The following ZGRF1 variants were observed in gnomAD, a reference collection of about 807,000 sequenced individuals.
The protein encoded by ZGRF1 is zinc finger GRF-type containing 1.
ZGRF1 carries 196 observed loss-of-function variants against 203.5 expected under a neutral mutation model. The observed-to-expected ratio is 0.96, with a 90% confidence interval of 0.86 to 1.08. The LOEUF is 1.08. ZGRF1 is among the 50% of genes least tolerant of loss of function. The pLI, the probability that ZGRF1 is intolerant of heterozygous loss-of-function variation, is 0.00. For missense variants in ZGRF1, 2,326 were observed against 2,416.3 expected, an observed-to-expected ratio of 0.96 and a Z score of 0.78; for synonymous variants, 809 against 841.3, an observed-to-expected ratio of 0.96 and a Z score of 0.66.
chr4:112,617,339 CTA>C, intron 6 of ZGRF1, 99 bp downstream of exon 6: 1 of 813,106 alleles, frequency 1.2e-6, no homozygotes, highest in Non-Finnish European at 1.9e-6. Context: ...TATTTAAACA[CTA>C]TGTAATTCTT....
intron 4 of ZGRF1, among the ~76,000 whole-genome samples, chr4:112,622,201 A>C (rs1205777311): frequency 3.3e-5 from 5 of 152,044 alleles, no homozygotes; most frequent in Non-Finnish European, 7.4e-5. Flanking sequence ...TCATCATCAT[A>C]GTATGCATTT....
chr4:112,593,710 G>T lies in ZGRF1; in HGVS notation c.2977-3836C>A, dbSNP rs553317517. Reference sequence around the variant, plus strand: ...TTTACACATGCTGTTTCTTTGCATGGTATGTTCAGTCCCTCACTGTTGCCA... The same window carrying T: ...TTTACACATGCTGTTTCTTTGCATGTTATGTTCAGTCCCTCACTGTTGCCA... On this transcript the variant is annotated intron_variant, in intron 10 of 27. Transcript: ENST00000505019. Among the ~76,000 whole-genome samples the T allele has an allele frequency of 2.3e-4, 35 of 152,234 alleles. 1 individual carries two copies. In the Middle Eastern group the frequency reaches 0.01, roughly 44 times the overall value.
chr4:112,622,725 C>T (rs540259130), intron 4 of ZGRF1, among the ~76,000 whole-genome samples: 1 of 152,140 alleles, frequency 6.6e-6, no homozygotes, highest in African/African-American at 2.4e-5. Context: ...CTTTAATATC[C>T]TAACTCTTCA....
At chr4:112,616,506 CA>C (rs1265970812) in intron 6 of ZGRF1, among the ~76,000 whole-genome samples, 1 of 136,236 alleles carries the variant, frequency 7.3e-6, no homozygotes, top group African/African-American at 2.8e-5. Flanking sequence ...GCCTGGGTGA[CA>C]GAGCAAGACT....
At chr4:112,573,167 TACACACACACACACACAC>T (rs145611842) in intron 16 of ZGRF1, among the ~76,000 whole-genome samples, 1 of 145,514 alleles carries the variant, frequency 6.9e-6, no homozygotes, top group Non-Finnish European at 1.5e-5. Flanking sequence ...GAAATTGTGA[TACACACACACACACACAC>T]ACACACACAC....
At chr4:112,551,099 G>GT (rs1456270333) in intron 22 of ZGRF1, among the ~76,000 whole-genome samples, 2 of 152,042 alleles carry the variant, frequency 1.3e-5, no homozygotes, top group Non-Finnish European at 2.9e-5. Context: ...CTATACAGGT[G>GT]TACCATTTTA....
chr4:112,604,284 T>C (rs973710730), intron 9 of ZGRF1, among the ~76,000 whole-genome samples: 1 of 152,072 alleles, frequency 6.6e-6, no homozygotes, highest in Non-Finnish European at 1.5e-5. Flanking sequence ...AGTATAATTT[T>C]ATTACAAGCA....
chr4:112,592,016 G>T (rs1748243881), intron 10 of ZGRF1, among the ~76,000 whole-genome samples: 1 of 151,868 alleles, frequency 6.6e-6, no homozygotes, highest in Admixed American at 6.6e-5. Flanking sequence ...TTTGTCAAAT[G>T]AGTGACTGAT....
intron 10 of ZGRF1, 108 bp downstream of exon 10, chr4:112,603,416 A>G (rs1750271656): frequency 9.6e-6 from 6 of 628,184 alleles, no homozygotes; most frequent in East Asian, 2.8e-5. Flanking sequence ...AATTTACTGT[A>G]CTCCTTTTTA....
In ZGRF1 at chr4:112,553,847, G is replaced by A. The variant is rs1375868817; in HGVS notation, c.5334C>T (p.Thr1778=). The part of the protein sequence containing the change: ...IEQHKLGTNR[T]LLKQVRVVGV... ...TACTACTTCTTACCTGCTTCAGCAGGGTTCTATTGGTCCCCAGTTTATGCT... is the reference window on the plus strand; with the variant it reads ...TACTACTTCTTACCTGCTTCAGCAGAGTTCTATTGGTCCCCAGTTTATGCT... The change falls in exon 22 of 28, where the codon ACC becomes ACT. Residue 1778 remains threonine (T), a synonymous_variant. Coordinates refer to ENST00000505019, the MANE Select transcript of ZGRF1 (RefSeq NM_018392.5). 9 of 1,607,456 alleles carry A rather than the reference G, an allele frequency of 5.6e-6. No individual in the cohort carries two copies. Among genetic ancestry groups the A allele is most frequent in the Non-Finnish European group, 6.8e-6 (8 of 1,178,286 alleles).
intron 24 of ZGRF1, among the ~76,000 whole-genome samples, chr4:112,542,632 G>T (rs1737867011): frequency 6.6e-6 from 1 of 151,954 alleles, no homozygotes; most frequent in African/African-American, 2.4e-5. Context: ...TTGAGACAGG[G>T]TCTCGCTGTT....
At chr4:112,554,811 G>C (rs1223525628) in intron 20 of ZGRF1, 29 bp from the exon 21 acceptor site, 2 of 1,173,526 alleles carry the variant, frequency 1.7e-6, no homozygotes, top group Admixed American at 2.1e-5. Context: ...TATAGATTCT[G>C]ATTATTTAGG....
chr4:112,548,425 A>C, intron 22 of ZGRF1, 45 bp from the exon 23 acceptor site: 5 of 1,465,664 alleles, frequency 3.4e-6, no homozygotes, highest in Non-Finnish European at 3.7e-6. Flanking sequence ...TATTAAAAGA[A>C]AATAAGAGAA....
chr4:112,618,573 C>T lies in ZGRF1; in HGVS notation c.1469G>A (p.Ser490Asn), dbSNP rs2046962404. Reference protein sequence around the residue: ...PELKHLQIESSNNSRISDDIT... With the variant: ...PELKHLQIESNNNSRISDDIT... The stretch of plus-strand genomic sequence containing the variant: ...GTCATCAGAGATCCTAGAATTATTA[C>T]TAGATTCAATTTGGAGATGTTTCAG... Residue 490 changes from serine to asparagine, a missense_variant, in exon 6 of 28, where the codon AGT becomes AAT. Ser to Asn is a conservative substitution (Grantham distance 46). Coordinates refer to ENST00000505019, the MANE Select transcript of ZGRF1 (RefSeq NM_018392.5). 6.2e-7 allele frequency: 1 copy of T among 1,613,540 alleles called. No individual in the cohort carries two copies. Among genetic ancestry groups the T allele is most frequent in the East Asian group, 2.2e-5 (1 of 44,850 alleles).
At chr4:112,556,519 A>G (rs1484626517) in intron 20 of ZGRF1, among the ~76,000 whole-genome samples, 1 of 152,084 alleles carries the variant, frequency 6.6e-6, no homozygotes, top group Non-Finnish European at 1.5e-5. Flanking sequence ...CTGCCCAAGT[A>G]GCTGGAATTA....
At chr4:112,572,312 T>G (rs753229360) in intron 16 of ZGRF1, among the ~76,000 whole-genome samples, 1 of 152,148 alleles carries the variant, frequency 6.6e-6, no homozygotes, top group Non-Finnish European at 1.5e-5. Context: ...AAAAACACCC[T>G]ATTCAACAAA....
At chr4:112,561,288 C>G (rs975548351) in intron 18 of ZGRF1, 1 of 333,982 alleles carries the variant, frequency 3.0e-6, no homozygotes, top group Non-Finnish European at 5.6e-6. Flanking sequence ...AGTTAATTAT[C>G]CCAAGTACAG....
rs769283190 is a variant in ZGRF1, at chr4:112,620,160, G to T, written c.193C>A (p.Arg65=). The change falls in exon 5 of 28, where the codon CGA becomes AGA. Residue 65 remains arginine, a synonymous_variant. Coordinates refer to ENST00000505019, the MANE Select transcript of ZGRF1 (RefSeq NM_018392.5). ...ACCTCTTCAACTGTGATTAAGTATC[G>T]ATCACTTTCTAAGTCATCTCCAGGT... The part of the protein sequence containing the change: ...VKPGDDLESD[R]YLITVEEVKV... 6.2e-7 allele frequency: 1 copy of T among 1,606,876 alleles called. No homozygotes were observed. Among genetic ancestry groups the T allele is most frequent in the South Asian group, 1.1e-5 (1 of 89,206 alleles).
Position 112,581,774 on chromosome 4 carries a change from A to G in ZGRF1, c.4327T>C (p.Tyr1443His), listed in dbSNP as rs758025316. ...GTAGTAAACTTCTTTAGTTTGCCAT[A>G]CTGTTTTCTCTGAAAATCAAATCCT... ...RKGFDFQRKQ[Y>H]GKLKKFTTVN... The change falls in exon 16 of 28, where the codon TAT becomes CAT. Residue 1443 changes from tyrosine (Y) to histidine (H), a missense_variant. Transcript: ENST00000505019. The G allele has an allele frequency of 2.7e-6, 4 of 1,475,566 alleles. No homozygotes were observed. In the East Asian group the frequency reaches 1.0e-4, roughly 38 times the overall value. The allele number at this position is 1,475,566 out of a possible 1,614,324, so 91.4% of individuals were successfully genotyped here.
Sources: allele counts gnomAD v4.1 joint callset (sites outside exome capture counted in the v4.1 genomes callset), GRCh38; gene constraint gnomAD v4.1.1; transcripts MANE v1.5; gene names NCBI Gene and HGNC (gene_info 2026-07-23, HGNC 2026-07-21).